PTPRD: variants seen among roughly 807,000 people sequenced by gnomAD.
PTPRD encodes the protein protein tyrosine phosphatase receptor type D.
A neutral mutation model predicts 214.5 loss-of-function variants in PTPRD; 34 were observed. That is an observed-to-expected ratio of 0.16 (90% CI 0.12 to 0.21). PTPRD has a LOEUF of 0.21. PTPRD is among the 10% of genes least tolerant of loss of function. The pLI is 1.00. For missense variants in PTPRD, 2,545 were observed against 2,398.7 expected (o/e 1.06, Z -1.27); for synonymous variants, 1,128 against 845.7 (o/e 1.33, Z -5.79).
intron 8 of PTPRD, among the ~76,000 whole-genome samples, chr9:9,454,583 A>G (rs2145493811): frequency 6.6e-6 from 1 of 151,880 alleles, no homozygotes; most frequent in Non-Finnish European, 1.5e-5. Flanking sequence ...GCATTTTAGA[A>G]TTGCAAAAGG....
intron 14 of PTPRD, among the ~76,000 whole-genome samples, chr9:8,536,510 T>A (rs2076968271): frequency 1.3e-5 from 2 of 152,002 alleles, no homozygotes; most frequent in Non-Finnish European, 2.9e-5. Flanking sequence ...GGATTGGTTC[T>A]AGAAGAGACA....
intron 21 of PTPRD, among the ~76,000 whole-genome samples, chr9:8,511,644 G>C (rs759399040): frequency 9.9e-5 from 15 of 152,110 alleles, no homozygotes; most frequent in African/African-American, 3.4e-4. Flanking sequence ...TCAAAGGAGA[G>C]ATATGATATT....
At chr9:8,992,018 G>A (rs1282677275) in intron 11 of PTPRD, among the ~76,000 whole-genome samples, 1 of 152,128 alleles carries the variant, frequency 6.6e-6, no homozygotes, top group East Asian at 1.9e-4. Flanking sequence ...GAGTTTGAGA[G>A]TGAGAAGGAT....
intron 27 of PTPRD, among the ~76,000 whole-genome samples, chr9:8,486,864 T>C (rs951461812): frequency 2.0e-5 from 3 of 152,124 alleles, no homozygotes; most frequent in Admixed American, 6.5e-5. Context: ...AATGAGAAAA[T>C]GAGGCCCAGA....
At chr9:9,415,127 C>T in intron 8 of PTPRD, among the ~76,000 whole-genome samples, 1 of 152,042 alleles carries the variant, frequency 6.6e-6, no homozygotes, top group East Asian at 1.9e-4. Flanking sequence ...AACTGCTATG[C>T]AGGAAGTAAA....
At chr9:8,561,597 G>A (rs1256048728) in intron 14 of PTPRD, among the ~76,000 whole-genome samples, 4 of 152,186 alleles carry the variant, frequency 2.6e-5, no homozygotes, top group Admixed American at 6.5e-5. Flanking sequence ...GGCTGAGCAA[G>A]GTGGGGGTGA....
intron 10 of PTPRD, among the ~76,000 whole-genome samples, chr9:9,168,845 A>C (rs2099909106): frequency 6.6e-6 from 1 of 152,026 alleles, no homozygotes; most frequent in South Asian, 2.1e-4. Context: ...TTATCTGTTA[A>C]AAGCATTAAG....
intron 3 of PTPRD, among the ~76,000 whole-genome samples, chr9:10,247,722 T>C (rs1467221762): frequency 6.6e-6 from 1 of 152,164 alleles, no homozygotes; most frequent in Admixed American, 6.5e-5. Context: ...TTTGGCTGAC[T>C]TCCCTGGGAG....
chr9:10,238,015 G>A (rs1006486852), intron 3 of PTPRD, among the ~76,000 whole-genome samples: 4 of 146,400 alleles, frequency 2.7e-5, no homozygotes, highest in Non-Finnish European at 6.1e-5. Flanking sequence ...CAGCTACAGG[G>A]CCGAGTTCCC....
intron 8 of PTPRD, among the ~76,000 whole-genome samples, chr9:9,517,590 C>A (rs189440474): frequency 1.9e-4 from 29 of 152,122 alleles, no homozygotes; most frequent in African/African-American, 7.0e-4. Flanking sequence ...GTATTAGAAA[C>A]ACTGGCATGT....
intron 35 of PTPRD, among the ~76,000 whole-genome samples, chr9:8,428,256 G>C (rs541542796): frequency 6.6e-6 from 1 of 152,230 alleles, no homozygotes; most frequent in East Asian, 1.9e-4. Context: ...TGCCATGTTC[G>C]TAAGGAATTG....
chr9:8,341,034 C>A, intron 41 of PTPRD, 56 bp downstream of exon 41: 2 of 1,466,472 alleles, frequency 1.4e-6, no homozygotes, highest in Non-Finnish European at 1.8e-6. Context: ...GGTTATTAAA[C>A]TAGGGCACAT....
chr9:9,212,833 G>T (rs76911731), intron 9 of PTPRD, among the ~76,000 whole-genome samples: 26,790 of 152,002 alleles, frequency 0.18, 2,613 homozygotes, highest in Non-Finnish European at 0.22. Flanking sequence ...TGCAATGTGT[G>T]AGGTGAAAAA....
intron 11 of PTPRD, among the ~76,000 whole-genome samples, chr9:8,799,060 C>T (rs942824452): frequency 2.6e-5 from 4 of 152,114 alleles, no homozygotes; most frequent in South Asian, 2.1e-4. Context: ...ATTAATTTCA[C>T]ATGCATTGCT....
chr9:8,468,480 T>C (rs1188364213), intron 31 of PTPRD, among the ~76,000 whole-genome samples: 4 of 151,976 alleles, frequency 2.6e-5, no homozygotes, highest in Admixed American at 6.6e-5. Context: ...ACCTTGACAA[T>C]AGGAGTTTCA....
chr9:9,688,954 T>C (rs531391685), intron 7 of PTPRD, among the ~76,000 whole-genome samples: 1 of 151,932 alleles, frequency 6.6e-6, no homozygotes, highest in East Asian at 1.9e-4. Context: ...TATAGATACA[T>C]AGATGTATAC....
chr9:8,360,862 A>T (rs949677986), intron 39 of PTPRD, among the ~76,000 whole-genome samples: 18 of 152,188 alleles, frequency 1.2e-4, no homozygotes, highest in Non-Finnish European at 1.2e-4. Flanking sequence ...TAGGCTGAGA[A>T]ACCCTGCTGT....
At chr9:9,662,550 G>T (rs1234562172) in intron 7 of PTPRD, among the ~76,000 whole-genome samples, 1 of 151,586 alleles carries the variant, frequency 6.6e-6, no homozygotes, top group Non-Finnish European at 1.5e-5. Flanking sequence ...AAGCAATAGA[G>T]TTTTTTCCTT....
intron 11 of PTPRD, among the ~76,000 whole-genome samples, chr9:8,794,509 A>ATTTTTT (rs5896260): frequency 1.5e-5 from 2 of 131,690 alleles, no homozygotes; most frequent in Non-Finnish European, 3.2e-5. Context: ...CACAGAAGCC[A>ATTTTTT]TTTTTTTTTT....
Sources: allele counts gnomAD v4.1 joint callset (sites outside exome capture counted in the v4.1 genomes callset), GRCh38; gene constraint gnomAD v4.1.1; transcripts MANE v1.5; gene names NCBI Gene and HGNC (gene_info 2026-07-23, HGNC 2026-07-21).